Variants in FGF13 observed in about 807,000 individuals in gnomAD.
The protein encoded by FGF13 is fibroblast growth factor 13.
FGF13 carries 2 observed loss-of-function variants against 19.5 expected under a neutral mutation model. That is an observed-to-expected ratio of 0.10 (90% CI 0.04 to 0.32). The LOEUF (loss-of-function observed/expected upper bound fraction) is 0.32, where lower values mean the gene tolerates loss of function less well. Among genes scored for constraint, FGF13 ranks in the 10% least tolerant of loss-of-function variants. The pLI, the probability that FGF13 is intolerant of heterozygous loss-of-function variation, is 1.00. For missense variants in FGF13, 113 were observed against 192.7 expected, an observed-to-expected ratio of 0.59 and a Z score of 2.45; for synonymous variants, 72 against 76.9, an observed-to-expected ratio of 0.94 and a Z score of 0.33.
intron 3 of FGF13, among the ~76,000 whole-genome samples, chrX:138,694,986 A>AACACACACACAC (rs745359063): frequency 1.2e-5 from 1 of 84,757 alleles, no homozygotes; most frequent in Admixed American, 1.4e-4. Context: ...TACTAGTTGA[A>AACACACACACAC]ACACACACAC....
chrX:138,953,747 G>C (rs1388264646), intron 1 of FGF13, among the ~76,000 whole-genome samples: 4 of 110,568 alleles, frequency 3.6e-5, no homozygotes, highest in Non-Finnish European at 7.6e-5. Flanking sequence ...GCAATAAAAA[G>C]AAACCACTGA....
intron 1 of FGF13, among the ~76,000 whole-genome samples, chrX:139,181,342 G>A (rs1380411231): frequency 8.9e-6 from 1 of 112,433 alleles, no homozygotes; most frequent in Admixed American, 9.4e-5. Flanking sequence ...GAACAGCTAT[G>A]CCCAACACTG....
intron 1 of FGF13, among the ~76,000 whole-genome samples, chrX:138,877,877 TACAGTGA>T (rs2091399813): frequency 8.9e-6 from 1 of 112,436 alleles, no homozygotes; most frequent in African/African-American, 3.2e-5. Flanking sequence ...TGAGTAACAC[TACAGTGA>T]ACTTTGGCAT....
intron 1 of FGF13, among the ~76,000 whole-genome samples, chrX:138,913,706 A>AAGG (rs2091604005): frequency 9.8e-6 from 1 of 101,583 alleles, no homozygotes; most frequent in African/African-American, 3.6e-5. Flanking sequence ...GGAAGGAAGG[A>AAGG]AAGAAAACTA....
intron 1 of FGF13, among the ~76,000 whole-genome samples, chrX:139,158,308 T>C (rs1487573235): frequency 9.1e-6 from 1 of 110,026 alleles, no homozygotes; most frequent in Non-Finnish European, 1.9e-5. Context: ...AGCCAAGTGG[T>C]CTAGCTCAGC....
chrX:139,087,413 T>C (rs907563848), intron 1 of FGF13, among the ~76,000 whole-genome samples: 4 of 112,277 alleles, frequency 3.6e-5, no homozygotes, highest in African/African-American at 1.3e-4. Context: ...TCCACCATAA[T>C]CTACAGCTAG....
chrX:138,989,258 C>T (rs1347042141), intron 1 of FGF13, among the ~76,000 whole-genome samples: 1 of 111,443 alleles, frequency 9.0e-6, no homozygotes, highest in African/African-American at 3.3e-5. Flanking sequence ...GATTTGGTAT[C>T]CTGGGATTTT....
At chrX:138,981,631 CA>C (rs1225103082) in intron 1 of FGF13, among the ~76,000 whole-genome samples, 1 of 110,604 alleles carries the variant, frequency 9.0e-6, no homozygotes, top group Non-Finnish European at 1.9e-5. Flanking sequence ...TACAGTCCAA[CA>C]GCCCAGCCCA....
At chrX:139,107,618 G>GT (rs1314035790) in intron 1 of FGF13, among the ~76,000 whole-genome samples, 12 of 110,740 alleles carry the variant, frequency 1.1e-4, no homozygotes, top group Non-Finnish European at 2.1e-4. Flanking sequence ...AGAGAGGGAG[G>GT]AAAGGGAGAG....
intron 1 of FGF13, among the ~76,000 whole-genome samples, chrX:139,187,913 C>G (rs946375231): frequency 1.8e-5 from 2 of 111,984 alleles, no homozygotes; most frequent in Non-Finnish European, 3.8e-5. Context: ...TCCTTCCGTT[C>G]TCTAAGTAAG....
intron 1 of FGF13, among the ~76,000 whole-genome samples, chrX:138,882,780 A>T (rs764101511): frequency 1.2e-4 from 13 of 111,710 alleles, no homozygotes; most frequent in Non-Finnish European, 2.4e-4. Flanking sequence ...CTTGCATGGA[A>T]ACTCAATACA....
At chrX:139,120,093 C>T (rs748228067) in intron 1 of FGF13, among the ~76,000 whole-genome samples, 6 of 112,358 alleles carry the variant, frequency 5.3e-5, no homozygotes, top group Admixed American at 9.4e-5. Flanking sequence ...TGAGCTCACT[C>T]GCTGTCTCTC....
chrX:138,984,605 G>A (rs865872736), intron 1 of FGF13, among the ~76,000 whole-genome samples: 4 of 52,793 alleles, frequency 7.6e-5, no homozygotes, highest in African/African-American at 2.6e-4. Context: ...AGGAGGAGGA[G>A]GAGGAGGAGG....
chrX:138,886,781 G>GA lies in FGF13; in HGVS notation c.-112-22132dup, dbSNP rs886091171. Among the ~76,000 whole-genome samples the GA allele has an allele frequency of 8.2e-5, 9 of 109,459 alleles. No homozygotes were observed. The South Asian group carries it at 1.6e-3, about 19-fold the overall frequency. The stretch of plus-strand genomic sequence containing the variant: ...TGTGTTTCATAGTTTTAATTACTTG[G>GA]AAAAAAAAACTCCACCACACTAGGC... On this transcript the variant is annotated intron_variant, in intron 1 of 2. Coordinates refer to the FGF13 transcript ENST00000421460.
intron 3 of FGF13, among the ~76,000 whole-genome samples, chrX:138,701,068 A>T (rs1272253980): frequency 5.3e-5 from 6 of 112,522 alleles, no homozygotes; most frequent in Non-Finnish European, 1.1e-4. Context: ...ATAATTTTCC[A>T]CATTCTTACT....
rs1276066842 is a variant in FGF13 at position 138,778,126 on chromosome X, T to C, written c.218-69198A>G. ...ACGCAGAAGACAGGTGATTTCTGCA[T>C]TTCCATCTGAGGTACCGGGTTCATC... On this transcript the variant is annotated intron_variant, in intron 3 of 6. Coordinates refer to the FGF13 transcript ENST00000436198. Among the ~76,000 whole-genome samples, 185 of 94,818 alleles carry C rather than the reference T, an allele frequency of 2.0e-3. No individual in the cohort carries two copies. The Middle Eastern group carries it at 0.042, about 22-fold the overall frequency. The allele number at this position is 94,818 out of a possible 115,157, so 82.3% of individuals were successfully genotyped here.
At chrX:139,015,015 A>T (rs1439610742) in intron 1 of FGF13, among the ~76,000 whole-genome samples, 1 of 111,400 alleles carries the variant, frequency 9.0e-6, no homozygotes, top group Non-Finnish European at 1.9e-5. Context: ...AAAATTCATC[A>T]TCTCTTCATG....
At chrX:138,726,878 T>C (rs1288457037) in intron 1 of FGF13, among the ~76,000 whole-genome samples, 2 of 111,604 alleles carry the variant, frequency 1.8e-5, no homozygotes, top group African/African-American at 6.5e-5. Context: ...TTAAACAATT[T>C]GCCCAAATGG....
chrX:138,780,702 A>C (rs1170863222), intron 3 of FGF13, among the ~76,000 whole-genome samples: 1 of 107,244 alleles, frequency 9.3e-6, no homozygotes. Flanking sequence ...TTAGACTCCC[A>C]CACATTAGTA....
Sources: gnomAD v4.1 joint callset for allele counts (sites outside exome capture counted in the v4.1 genomes callset) on GRCh38, gnomAD v4.1.1 for gene constraint, MANE v1.5 for transcripts, NCBI Gene and HGNC (gene_info 2026-07-23, HGNC 2026-07-21) for gene names.